Variants in MBTPS1 observed in about 807,000 individuals in gnomAD.
MBTPS1 encodes membrane-bound transcription factor site-1 protease.
In MBTPS1, 94 loss-of-function variants were observed where a neutral mutation model predicts 127.8. That is an observed-to-expected ratio of 0.74 (90% CI 0.62 to 0.87). The LOEUF is 0.87. Ranked by LOEUF, MBTPS1 falls within the 40% of genes least tolerant of loss-of-function variation. The pLI is 0.00. For missense variants in MBTPS1, 1,636 were observed against 1,353.2 expected (o/e 1.21, Z -3.28); for synonymous variants, 632 against 509.4 (o/e 1.24, Z -3.24).
chr16:84,083,784 A>C (rs531205943), intron 10 of MBTPS1, among the ~76,000 whole-genome samples: 1 of 152,224 alleles, frequency 6.6e-6, no homozygotes, highest in Admixed American at 6.5e-5. Flanking sequence ...ACAACACTCA[A>C]CTAAAACTTC....
intron 9 of MBTPS1, 66 bp from the exon 10 acceptor site, chr16:84,085,200 G>A (rs147766686): frequency 8.7e-6 from 13 of 1,492,972 alleles, no homozygotes; most frequent in East Asian, 2.3e-5. Flanking sequence ...GCAATCATGA[G>A]TGAATCAAAT....
intron 5 of MBTPS1, 69 bp downstream of exon 5, chr16:84,093,642 G>T: frequency 9.3e-7 from 1 of 1,077,326 alleles, no homozygotes; most frequent in Non-Finnish European, 1.4e-6. Flanking sequence ...TGGACAGACT[G>T]TGGAATCATG....
intron 1 of MBTPS1, among the ~76,000 whole-genome samples, chr16:84,113,274 T>C (rs1402754166): frequency 1.3e-5 from 2 of 152,238 alleles, no homozygotes; most frequent in Non-Finnish European, 2.9e-5. Context: ...AAATGTTAAC[T>C]GGATTTAATT....
rs1284807583 is a variant in MBTPS1 at position 84,095,604 on chromosome 16, G to A, written c.623C>T (p.Thr208Ile). The A allele has an allele frequency of 9.3e-6, 15 of 1,613,968 alleles. No individual in the cohort carries two copies. The highest frequency in any genetic ancestry group is 2.2e-5 in the East Asian group (1 of 44,900). The change falls in exon 4 of 23, where the codon ACA becomes ATA. Residue 208 changes from threonine (T) to isoleucine (I), a missense_variant and splice_region_variant. By Grantham distance (89) the Thr-to-Ile change is moderately conservative. Transcript: ENST00000343411. ...CTTCCCTGGGTAATAGCACACACCT[G>A]TATATCCCATCTGCCAGAGCACATC... ...QADVLWQMGYTGANVRVAVFD... is the reference protein window; with the variant it reads ...QADVLWQMGYIGANVRVAVFD...
In MBTPS1 at chr16:84,069,882, T is replaced by G. The variant is rs770972026; in HGVS notation, c.1939A>C (p.Asn647His). The change falls in exon 14 of 23, where the codon AAT becomes CAT. Residue 647 changes from asparagine (N) to histidine (H), a missense_variant. Asn to His is a moderately conservative substitution (Grantham distance 68). Coordinates refer to ENST00000343411, the MANE Select transcript of MBTPS1 (RefSeq NM_003791.4). ...GGTGCTTACCAGTCTAAAGGGTCAT[T>G]CTTCATCCTTAAATTATCCCTGGGG... is the stretch of plus-strand genomic sequence containing the variant. ...YFPRDNLRMK[N>H]DPLDWNGDHI... 2 of 1,614,000 alleles carry G rather than the reference T, an allele frequency of 1.2e-6. No individual in the cohort carries two copies. Among genetic ancestry groups the G allele is most frequent in the Non-Finnish European group, 1.7e-6 (2 of 1,179,998 alleles).
intron 12 of MBTPS1, among the ~76,000 whole-genome samples, chr16:84,072,480 T>C (rs1228475592): frequency 6.6e-6 from 1 of 152,088 alleles, no homozygotes. Flanking sequence ...AAAACACTAA[T>C]GGAATAAAAA....
Position 84,095,818 on chromosome 16 carries a change from G to C in MBTPS1, c.422-13C>G. 6.2e-7 allele frequency: 1 copy of C among 1,610,520 alleles called. No homozygotes were observed. The highest frequency in any genetic ancestry group is 8.5e-7 in the Non-Finnish European group (1 of 1,178,060). On this transcript the variant is annotated splice_polypyrimidine_tract_variant and intron_variant, in intron 3 of 22. Coordinates refer to ENST00000343411, the MANE Select transcript of MBTPS1 (RefSeq NM_003791.4). ...ACTGTGGGGTCAGCTACAGGCAAGGGAGAGAAAGATCAGAACAGAAGAGCA... is the reference window on the plus strand; with the variant it reads ...ACTGTGGGGTCAGCTACAGGCAAGGCAGAGAAAGATCAGAACAGAAGAGCA...
Position 84,098,955 on chromosome 16 carries a change from G to A in MBTPS1, c.421+98C>T, listed in dbSNP as rs372619682. The A allele has an allele frequency of 7.7e-6, 9 of 1,169,684 alleles. No individual in the cohort carries two copies. The South Asian group carries it at 8.7e-5, about 11-fold the overall frequency. 72.5% of individuals were successfully genotyped at this position (1,169,684 alleles called of 1,614,324 possible). On this transcript the variant is annotated intron_variant, in intron 3 of 22. Coordinates refer to ENST00000343411, the MANE Select transcript of MBTPS1 (RefSeq NM_003791.4). ...TCACAATTAGCAAACTAGATGGAAG[G>A]ATGCGGATACTCACTGTACTATTTT...
chr16:84,063,190 C>G (rs958082421), intron 19 of MBTPS1, 115 bp downstream of exon 19: 8 of 1,115,952 alleles, frequency 7.2e-6, no homozygotes, highest in East Asian at 7.1e-5. Flanking sequence ...CTGAGCCTGG[C>G]TCAAGTGAAC....
At chr16:84,071,439 G>T (rs903604671) in intron 12 of MBTPS1, among the ~76,000 whole-genome samples, 5 of 152,208 alleles carry the variant, frequency 3.3e-5, no homozygotes, top group Non-Finnish European at 7.4e-5. Flanking sequence ...TAAGCCAGTG[G>T]GTTAAGAAAA....
chr16:84,109,157 T>C (rs567726631), intron 1 of MBTPS1, among the ~76,000 whole-genome samples: 11 of 152,126 alleles, frequency 7.2e-5, no homozygotes, highest in Non-Finnish European at 1.5e-4. Flanking sequence ...CTAGTTCCAG[T>C]CTGGGTACGG....
intron 19 of MBTPS1, among the ~76,000 whole-genome samples, chr16:84,062,925 G>A (rs1226322775): frequency 3.9e-5 from 6 of 152,144 alleles, no homozygotes; most frequent in Non-Finnish European, 7.3e-5. Context: ...AGAGAAGGGC[G>A]CCCCCTCGTG....
intron 17 of MBTPS1, among the ~76,000 whole-genome samples, chr16:84,066,175 C>A (rs926245155): frequency 2.0e-5 from 3 of 152,188 alleles, no homozygotes; most frequent in Non-Finnish European, 4.4e-5. Flanking sequence ...ACGGGAAACA[C>A]AAAGTTATTT....
At chr16:84,061,736 A>G (rs1227706863) in intron 19 of MBTPS1, 1 of 152,212 alleles carries the variant, frequency 6.6e-6, no homozygotes, top group Non-Finnish European at 1.5e-5. Context: ...CTGGGCTAGC[A>G]ACAGCTCCCG....
chr16:84,110,694 G>C (rs1468526705), intron 1 of MBTPS1: 1 of 152,172 alleles, frequency 6.6e-6, no homozygotes, highest in African/African-American at 2.4e-5. Context: ...CTGAGACCCA[G>C]AGTAGCTAAG....
chr16:84,101,219 G>A (rs1284283501), intron 2 of MBTPS1, among the ~76,000 whole-genome samples: 1 of 152,094 alleles, frequency 6.6e-6, no homozygotes, highest in African/African-American at 2.4e-5. Context: ...AGAACTGCTT[G>A]AACCTGGGAG....
intron 1 of MBTPS1, among the ~76,000 whole-genome samples, chr16:84,104,408 G>T (rs2086296160): frequency 2.0e-5 from 3 of 152,012 alleles, no homozygotes; most frequent in South Asian, 2.1e-4. Flanking sequence ...GGTTGCAGTG[G>T]GCCAAGAGTG....
At chr16:84,084,072 G>A (rs920772253) in intron 10 of MBTPS1, among the ~76,000 whole-genome samples, 1 of 152,128 alleles carries the variant, frequency 6.6e-6, no homozygotes, top group African/African-American at 2.4e-5. Flanking sequence ...CAATTTTCCT[G>A]CCTCAATCTC....
At chr16:84,111,347 C>G (rs992705230) in intron 1 of MBTPS1, among the ~76,000 whole-genome samples, 1 of 152,144 alleles carries the variant, frequency 6.6e-6, no homozygotes, top group African/African-American at 2.4e-5. Context: ...CGAGACCAGC[C>G]TGGCCAACAT....
Sources: gnomAD v4.1 joint callset for allele counts (sites outside exome capture counted in the v4.1 genomes callset) on GRCh38, gnomAD v4.1.1 for gene constraint, MANE v1.5 for transcripts, NCBI Gene and HGNC (gene_info 2026-07-23, HGNC 2026-07-21) for gene names.